Variants in ME3 observed in about 807,000 individuals in gnomAD.
ME3 encodes the protein NADP-dependent malic enzyme, mitochondrial.
ME3 carries 48 observed loss-of-function variants against 68.9 expected under a neutral mutation model. The observed-to-expected ratio is 0.70, with a 90% CI of 0.55 to 0.89. The LOEUF is 0.89. ME3 is among the 40% of genes least tolerant of loss of function. The pLI, the probability that ME3 is intolerant of heterozygous loss-of-function variation, is 0.00. For missense variants in ME3, 675 were observed against 797.4 expected (o/e 0.85, Z 1.85); for synonymous variants, 320 against 318.8 (o/e 1.00, Z -0.04).
chr11:86,575,066 G>T lies in ME3; in HGVS notation c.184-15243C>A, dbSNP rs147654574. Among the ~76,000 whole-genome samples the T allele has an allele frequency of 7.1e-3, 1,046 of 147,054 alleles. 174 individuals carry two copies. The highest frequency in any genetic ancestry group is 0.026 in the African/African-American group (972 of 38,088). On this transcript the variant is annotated intron_variant, in intron 2 of 14. Transcript: ENST00000543262. ...TGGACACAGCCTGCTTTCAGTGTAT[G>T]GGAAGCAGTCATAGTAAAAAAGGCA...
chr11:86,436,046 A>G, the ME3 span: 1 of 152,224 alleles, frequency 6.6e-6, no homozygotes, highest in African/African-American at 2.4e-5. Context: ...CAACCACAGC[A>G]TCCACTCTCT....
At chr11:86,584,683 A>T (rs1958631732) in intron 2 of ME3, among the ~76,000 whole-genome samples, 1 of 152,244 alleles carries the variant, frequency 6.6e-6, no homozygotes, top group Non-Finnish European at 1.5e-5. Context: ...AAACACAATG[A>T]GCCAGTCACA....
chr11:86,632,813 A>G (rs1944100206), intron 2 of ME3, among the ~76,000 whole-genome samples: 1 of 152,178 alleles, frequency 6.6e-6, no homozygotes, highest in African/African-American at 2.4e-5. Flanking sequence ...CTGCAGTCAC[A>G]CGAATCTCTC....
intron 8 of ME3, chr11:86,464,048 G>A (rs1950356501): frequency 2.3e-6 from 1 of 434,958 alleles, no homozygotes; most frequent in African/African-American, 2.1e-5. Context: ...TATTACCTGA[G>A]TTTGAGTTCT....
At chr11:86,653,174 T>C (rs1294625792) in intron 2 of ME3, among the ~76,000 whole-genome samples, 1 of 152,040 alleles carries the variant, frequency 6.6e-6, no homozygotes, top group East Asian at 1.9e-4. Context: ...CTGTCAACAT[T>C]AGACAGATGA....
intron 2 of ME3, among the ~76,000 whole-genome samples, chr11:86,597,869 C>A (rs1227971540): frequency 6.6e-6 from 1 of 151,972 alleles, no homozygotes; most frequent in Non-Finnish European, 1.5e-5. Flanking sequence ...GTTATCATAT[C>A]TTAAATGTAT....
At chr11:86,469,810 C>T (rs759706505) in intron 7 of ME3, among the ~76,000 whole-genome samples, 7 of 151,958 alleles carry the variant, frequency 4.6e-5, no homozygotes, top group Non-Finnish European at 8.8e-5. Context: ...AGCCAGGGCT[C>T]ACTTAGAGAC....
At chr11:86,463,265 C>T (rs968617666) in intron 8 of ME3, among the ~76,000 whole-genome samples, 1 of 152,176 alleles carries the variant, frequency 6.6e-6, no homozygotes, top group African/African-American at 2.4e-5. Flanking sequence ...ACTTGTTTTC[C>T]ACTTCCACCC....
intron 2 of ME3, among the ~76,000 whole-genome samples, chr11:86,562,357 G>A (rs1221300576): frequency 6.6e-6 from 1 of 152,168 alleles, no homozygotes; most frequent in Non-Finnish European, 1.5e-5. Flanking sequence ...AAATATTCCT[G>A]TGCAGGTTTT....
At chr11:86,462,659 G>C (rs1012017162) in intron 8 of ME3, 17 of 1,196,976 alleles carry the variant, frequency 1.4e-5, no homozygotes, top group Non-Finnish European at 1.8e-5. Flanking sequence ...CTATCATGTA[G>C]CAGGCGCGGT....
At chr11:86,672,049 C>T in intron 1 of ME3, 91 bp from the exon 2 acceptor site, 6 of 1,095,960 alleles carry the variant, frequency 5.5e-6, no homozygotes, top group Non-Finnish European at 7.2e-6. Context: ...TCCGGGGACG[C>T]GCCCTCTGGG....
chr11:86,645,301 A>G (rs540355881), intron 2 of ME3, among the ~76,000 whole-genome samples: 5 of 152,252 alleles, frequency 3.3e-5, no homozygotes, highest in African/African-American at 1.2e-4. Flanking sequence ...CCAGCAAACT[A>G]AGATCCACTG....
At chr11:86,585,270 G>T (rs1011741064) in intron 2 of ME3, among the ~76,000 whole-genome samples, 1 of 152,202 alleles carries the variant, frequency 6.6e-6, no homozygotes, top group East Asian at 1.9e-4. Flanking sequence ...GCAGTGAGGA[G>T]AATTTTTGGA....
intron 13 of ME3, 97 bp downstream of exon 13, chr11:86,446,217 G>T: frequency 1.4e-6 from 2 of 1,390,568 alleles, no homozygotes; most frequent in African/African-American, 1.4e-5. Flanking sequence ...CAATGTTGGG[G>T]CAGATGGGCA....
Position 86,538,644 on chromosome 11 carries a change from G to C in ME3, c.467+17909C>G, listed in dbSNP as rs936183636. Among the ~76,000 whole-genome samples the C allele has an allele frequency of 2.6e-5, 4 of 152,130 alleles. No homozygotes were observed. The South Asian group carries it at 6.2e-4, about 24-fold the overall frequency. On this transcript the variant is annotated intron_variant, in intron 4 of 14. Coordinates refer to ENST00000543262, the Ensembl canonical transcript of ME3. ...TTTCCATCTCTCATTTCCACATCTA[G>C]GAACTCATCAGGCTCTTCCCTCCTC...
At chr11:86,489,795 C>G (rs1269438556) in intron 6 of ME3, among the ~76,000 whole-genome samples, 1 of 152,094 alleles carries the variant, frequency 6.6e-6, no homozygotes, top group African/African-American at 2.4e-5. Flanking sequence ...CCCCACTCAC[C>G]CCCAACTCCT....
At chr11:86,479,999 G>T (rs1483665705) in intron 7 of ME3, among the ~76,000 whole-genome samples, 2 of 151,726 alleles carry the variant, frequency 1.3e-5, no homozygotes, top group Non-Finnish European at 2.9e-5. Flanking sequence ...TTGTATTTTC[G>T]GTACAGATGG....
rs115121659 is a variant in ME3 at position 86,595,559 on chromosome 11, G to A, written c.184-35736C>T. Reference sequence around the variant, plus strand: ...ACTGACAATCAGATCGAGTAAGCGCGTGCCCTGGTTTGAAAGGTCAGGTAA... The same window carrying A: ...ACTGACAATCAGATCGAGTAAGCGCATGCCCTGGTTTGAAAGGTCAGGTAA... On this transcript the variant is annotated intron_variant, in intron 2 of 14. Coordinates refer to ENST00000543262, the Ensembl canonical transcript of ME3. Among the ~76,000 whole-genome samples, 454 of 152,256 alleles carry A rather than the reference G, an allele frequency of 3.0e-3. 3 individuals carry two copies. The highest frequency in any genetic ancestry group is 0.011 in the African/African-American group (439 of 41,538).
At chr11:86,535,841 T>C (rs1227090994) in intron 4 of ME3, among the ~76,000 whole-genome samples, 5 of 152,198 alleles carry the variant, frequency 3.3e-5, no homozygotes, top group African/African-American at 4.8e-5. Context: ...TAGGATTCTA[T>C]TGGAAGTCAT....
Sources: allele counts gnomAD v4.1 joint callset (sites outside exome capture counted in the v4.1 genomes callset), GRCh38; gene constraint gnomAD v4.1.1; transcripts MANE v1.5; gene names NCBI Gene and HGNC (gene_info 2026-07-23, HGNC 2026-07-21).